The following PTGES3 variants were observed in gnomAD, a reference collection of about 807,000 sequenced individuals.
The protein encoded by PTGES3 is Hsp90 co-chaperone.
A neutral mutation model predicts 29.9 loss-of-function variants in PTGES3; 5 were observed. That is an observed-to-expected ratio of 0.17 (90% CI 0.09 to 0.35). PTGES3 has a LOEUF of 0.35. Among genes scored for constraint, PTGES3 ranks in the 10% least tolerant of loss-of-function variants. PTGES3 has a pLI of 1.00. For missense variants in PTGES3, 128 were observed against 190.0 expected (o/e 0.67, Z 1.92); for synonymous variants, 49 against 57.8 (o/e 0.85, Z 0.69).
chr12:56,683,165 T>A (rs1952633261), intron 1 of PTGES3, among the ~76,000 whole-genome samples: 1 of 151,726 alleles, frequency 6.6e-6, no homozygotes, highest in Non-Finnish European at 1.5e-5. Flanking sequence ...CTGGCCAAGA[T>A]GGTGAAACCC....
At chr12:56,684,718 C>G (rs1952742827) in intron 1 of PTGES3, among the ~76,000 whole-genome samples, 1 of 152,136 alleles carries the variant, frequency 6.6e-6, no homozygotes, top group Non-Finnish European at 1.5e-5. Context: ...AAGTAGCACC[C>G]TCTGGCAAGG....
chr12:56,683,008 A>G (rs1399865996), intron 1 of PTGES3, among the ~76,000 whole-genome samples: 1 of 151,716 alleles, frequency 6.6e-6, no homozygotes, highest in Non-Finnish European at 1.5e-5. Flanking sequence ...AAAAAAAAAA[A>G]ATTTACAAAG....
At chr12:56,666,110 T>G (rs1342532430) in intron 6 of PTGES3, 94 bp downstream of exon 6, 1 of 1,399,788 alleles carries the variant, frequency 7.1e-7, no homozygotes. Flanking sequence ...AAATAAGAAG[T>G]AATTGTGAAT....
intron 1 of PTGES3, among the ~76,000 whole-genome samples, chr12:56,686,528 C>A (rs1952864210): frequency 6.6e-6 from 1 of 152,072 alleles, no homozygotes; most frequent in Admixed American, 6.6e-5. Context: ...GCATGTGCCA[C>A]CACGCCCGGC....
Position 56,664,449 on chromosome 12 carries a change from T to C in PTGES3, c.*30A>G, listed in dbSNP as rs1951716751. The stretch of plus-strand genomic sequence containing the variant: ...AATCTTGCAGAGAAGTTATTTTTCT[T>C]TCTCAAAATCCAGGTGATGACAATA... On this transcript the variant is annotated 3_prime_UTR_variant, in exon 8 of 8. Transcript: ENST00000262033. The C allele has an allele frequency of 6.3e-7, 1 of 1,599,126 alleles. No homozygotes were observed. The highest frequency in any genetic ancestry group is 1.3e-5 in the African/African-American group (1 of 74,274).
At chr12:56,674,844 A>G (rs1952159525) in intron 1 of PTGES3, among the ~76,000 whole-genome samples, 1 of 140,814 alleles carries the variant, frequency 7.1e-6, no homozygotes, top group African/African-American at 2.6e-5. Context: ...AAAAAAAAAA[A>G]AAAAAAAAAA....
chr12:56,674,902 G>A (rs1565867578), intron 1 of PTGES3, among the ~76,000 whole-genome samples: 2 of 143,036 alleles, frequency 1.4e-5, no homozygotes, highest in Non-Finnish European at 3.0e-5. Flanking sequence ...TACTCAGGAG[G>A]CTGAGTCAGG....
intron 1 of PTGES3, among the ~76,000 whole-genome samples, chr12:56,678,954 CA>C (rs1263295101): frequency 2.0e-5 from 3 of 151,372 alleles, no homozygotes; most frequent in African/African-American, 7.3e-5. Flanking sequence ...ACATCTCTGC[CA>C]AAAAGAAAAA....
chr12:56,679,408 CA>C (rs770485836), intron 1 of PTGES3, among the ~76,000 whole-genome samples: 3,928 of 64,948 alleles, frequency 0.06, 32 homozygotes, highest in African/African-American at 0.13. Context: ...GACTCTGCCT[CA>C]AAAAAAAAAA....
chr12:56,687,392 A>G, intron 1 of PTGES3: 1 of 987,530 alleles, frequency 1.0e-6, no homozygotes, highest in Non-Finnish European at 1.2e-6. Context: ...AAGAGACTGG[A>G]GTTAGGAGGC....
chr12:56,685,770 CTTTTTT>C (rs9325161), intron 1 of PTGES3, among the ~76,000 whole-genome samples: 32 of 71,902 alleles, frequency 4.5e-4, no homozygotes, highest in South Asian at 2.5e-3. Context: ...GCTACACTTA[CTTTTTT>C]TTTTTTTTTT....
intron 1 of PTGES3, chr12:56,687,017 A>AC (rs1565881756): frequency 1.5e-5 from 6 of 389,854 alleles, no homozygotes; most frequent in African/African-American, 6.2e-5. Context: ...AAAAAAAAAA[A>AC]AAAAAAAAAA....
intron 5 of PTGES3, 105 bp from the exon 6 acceptor site, chr12:56,666,371 A>G: frequency 7.8e-7 from 1 of 1,283,172 alleles, no homozygotes; most frequent in Non-Finnish European, 1.0e-6. Flanking sequence ...CAGATATCAA[A>G]AAATGCAAAA....
At chr12:56,669,963 ATG>A (rs1475134368) in intron 5 of PTGES3, among the ~76,000 whole-genome samples, 2 of 117,120 alleles carry the variant, frequency 1.7e-5, no homozygotes, top group East Asian at 5.4e-4. Context: ...TACTGCAATC[ATG>A]CTTTAAAAAA....
At chr12:56,687,628 A>G in intron 1 of PTGES3, 2 of 1,134,962 alleles carry the variant, frequency 1.8e-6, no homozygotes, top group Non-Finnish European at 2.2e-6. Context: ...GGAGCGCCCA[A>G]GCAGCCGAGA....
intron 1 of PTGES3, among the ~76,000 whole-genome samples, chr12:56,678,593 A>AT (rs1565871855): frequency 1.3e-5 from 2 of 152,136 alleles, no homozygotes; most frequent in African/African-American, 2.4e-5. Flanking sequence ...TGGTGCATCA[A>AT]TTTTTTATAG....
intron 1 of PTGES3, among the ~76,000 whole-genome samples, chr12:56,674,225 T>C (rs1445073931): frequency 6.6e-6 from 1 of 152,124 alleles, no homozygotes; most frequent in African/African-American, 2.4e-5. Flanking sequence ...TGTCCTCCTA[T>C]ATAAAGAGAT....
intron 1 of PTGES3, among the ~76,000 whole-genome samples, chr12:56,675,876 C>A (rs1183350753): frequency 1.3e-5 from 2 of 151,932 alleles, no homozygotes; most frequent in Non-Finnish European, 2.9e-5. Flanking sequence ...TGAGCCCAGA[C>A]CACGCCATTG....
chr12:56,669,525 C>T (rs1243673527), intron 5 of PTGES3, among the ~76,000 whole-genome samples: 13 of 152,276 alleles, frequency 8.5e-5, no homozygotes, highest in East Asian at 1.9e-4. Flanking sequence ...TCAGGTGATC[C>T]GCCCATCTCA....
Sources: gnomAD v4.1 joint callset for allele counts (sites outside exome capture counted in the v4.1 genomes callset) on GRCh38, gnomAD v4.1.1 for gene constraint, MANE v1.5 for transcripts, NCBI Gene and HGNC (gene_info 2026-07-23, HGNC 2026-07-21) for gene names.